Variants in KMT2B observed in about 807,000 individuals in gnomAD.
KMT2B encodes the protein histone-lysine N-methyltransferase 2B.
Under a neutral mutation model 255.3 loss-of-function variants are expected in KMT2B, and 22 were observed. The observed-to-expected ratio is 0.09, with a 90% CI of 0.06 to 0.12. The LOEUF is 0.12. Ranked by LOEUF, KMT2B falls within the 10% of genes least tolerant of loss-of-function variation. The probability of loss-of-function intolerance (pLI) is 1.00; values close to 1 mark genes in which losing one functional copy is unlikely to be tolerated. For synonymous variants in KMT2B, 1,730 were observed against 1,498.1 expected (o/e 1.15, Z -3.57); for missense variants, 3,149 against 3,737.0 (o/e 0.84, Z 4.10).
rs1288715942 is a variant in KMT2B, at chr19:35,725,664, G to A, written c.3789+39G>A. 3 of 1,612,800 alleles carry A rather than the reference G, an allele frequency of 1.9e-6. No homozygotes were observed. In the South Asian group the frequency reaches 3.3e-5, roughly 18 times the overall value. On this transcript the variant is annotated intron_variant, in intron 12 of 36. Coordinates refer to ENST00000420124, the MANE Select transcript of KMT2B (RefSeq NM_014727.3). The surrounding 1 kb of genome is among the most constrained non-coding windows in gnomAD (Gnocchi z 4.1). The stretch of plus-strand genomic sequence containing the variant: ...GGCTGGCCAGGGTGGGTGGAGGCCT[G>A]AAGGTGAGGGCATCCCTGTGCCAGC...
Position 35,722,873 on chromosome 19 carries a change from TG to T in KMT2B, c.2723-117del, listed in dbSNP as rs1969277228. ...TGCTAGGTCCTAGAGCAACTTCATTTGGGGGCACCAGGAACCTGGCGCTGTG... is the reference window on the plus strand; with the variant it reads ...TGCTAGGTCCTAGAGCAACTTCATTTGGGGCACCAGGAACCTGGCGCTGTG... On this transcript the variant is annotated intron_variant, in intron 5 of 36. Coordinates refer to ENST00000420124, the MANE Select transcript of KMT2B (RefSeq NM_014727.3). 88 of 1,417,650 alleles carry T rather than the reference TG, an allele frequency of 6.2e-5. 1 individual carries two copies. In the South Asian group the frequency reaches 1.2e-3, roughly 20 times the overall value. 87.8% of individuals were successfully genotyped at this position (1,417,650 alleles called of 1,614,324 possible). A position where few individuals can be genotyped will look rare whatever the true frequency, so the allele number is the denominator to read the frequency against.
At chr19:35,724,088 C>A in intron 8 of KMT2B, 81 bp downstream of exon 8, 1 of 1,349,880 alleles carries the variant, frequency 7.4e-7, no homozygotes, top group South Asian at 1.4e-5. Context: ...GGCACCCAGA[C>A]CCAGGGCTCT....
In KMT2B at chr19:35,733,923, G is replaced by A; in HGVS notation, c.7159+51G>A. ...TCCTTGCCTGTGCCTGGCTCAGCTG[G>A]GTGACTCACAGATGCAAAATCAGCC... is the stretch of plus-strand genomic sequence containing the variant. On this transcript the variant is annotated intron_variant, in intron 30 of 36. Coordinates refer to ENST00000420124, the MANE Select transcript of KMT2B (RefSeq NM_014727.3). The surrounding 1 kb of genome is among the most constrained non-coding windows in gnomAD (Gnocchi z 4.3). 1.5e-6 allele frequency: 2 copies of A among 1,361,418 alleles called. No individual in the cohort carries two copies. The highest frequency in any genetic ancestry group is 2.1e-6 in the Non-Finnish European group (2 of 963,824). The allele number at this position is 1,361,418 out of a possible 1,614,324, so 84.3% of individuals were successfully genotyped here.
Position 35,724,878 on chromosome 19 carries a change from G to GGGGTCTGGATCA in KMT2B, c.3430-102_3430-91dup, listed in dbSNP as rs57143153. The GGGGTCTGGATCA allele has an allele frequency of 0.12, 125,068 of 1,053,448 alleles. 10,031 individuals carry two copies. Among genetic ancestry groups the GGGGTCTGGATCA allele is most frequent in the South Asian group, 0.24 (16,805 of 70,536 alleles). The allele number at this position is 1,053,448 out of a possible 1,614,324, so 65.3% of individuals were successfully genotyped here. ...GGGCCTTGCCTGTCTGGAAAGCAAA[G>GGGGTCTGGATCA]GGGTCTGGATCAGGGTCTGGGTCCA... On this transcript the variant is annotated intron_variant, in intron 9 of 36. Transcript: ENST00000420124.
Position 35,719,841 on chromosome 19 carries a change from G to T in KMT2B, c.494G>T (p.Arg165Leu). Reference sequence around the variant, plus strand: ...AAGACGACCCCCCTTCCTCCTCCTCGCCTAGCAGATGTGGCTCCTACCCCC... The same window carrying T: ...AAGACGACCCCCCTTCCTCCTCCTCTCCTAGCAGATGTGGCTCCTACCCCC... Reference protein sequence around the residue: ...KHKTTPLPPPRLADVAPTPPK... With the variant: ...KHKTTPLPPPLLADVAPTPPK... Residue 165 changes from arginine to leucine, a missense_variant, in exon 3 of 37, where the codon CGC becomes CTC. Transcript: ENST00000420124. 1 of 1,612,266 alleles carries T rather than the reference G, an allele frequency of 6.2e-7. No homozygotes were observed. The highest frequency in any genetic ancestry group is 8.5e-7 in the Non-Finnish European group (1 of 1,179,436).
At chr19:35,731,567 C>T (rs1321374753) in intron 26 of KMT2B, among the ~76,000 whole-genome samples, 3 of 152,144 alleles carry the variant, frequency 2.0e-5, no homozygotes, top group East Asian at 3.9e-4. Context: ...CGGGCGGGAG[C>T]GTCTGATGTG....
chr19:35,722,930 G>C lies in KMT2B; in HGVS notation c.2723-65G>C, dbSNP rs984716879. On this transcript the variant is annotated intron_variant, in intron 5 of 36. Transcript: ENST00000420124. ...GCGAGAGCCAGGTTGTGGGAAAGCA[G>C]GGAAGTGAGGTAGAAGCCTGGTGGC... is the stretch of plus-strand genomic sequence containing the variant. 3.2e-5 allele frequency: 47 copies of C among 1,466,782 alleles called. 1 individual carries two copies. In the African/African-American group the frequency reaches 6.1e-4, roughly 19 times the overall value. 90.9% of individuals were successfully genotyped at this position (1,466,782 alleles called of 1,614,324 possible).
At position 35,738,785 on chromosome 19, in the gene KMT2B, G is replaced by GC; in HGVS notation, c.*228_*229insC. 3.5e-6 allele frequency: 2 copies of GC among 576,002 alleles called. No individual in the cohort carries two copies. Among genetic ancestry groups the GC allele is most frequent in the South Asian group, 2.4e-5 (1 of 41,754 alleles). The allele number at this position is 576,002 out of a possible 1,614,324, so 35.7% of individuals were successfully genotyped here. On this transcript the variant is annotated 3_prime_UTR_variant, in exon 37 of 37. Coordinates refer to ENST00000420124, the MANE Select transcript of KMT2B (RefSeq NM_014727.3). The surrounding 1 kb of genome is among the most constrained non-coding windows in gnomAD (Gnocchi z 8.7). ...CCCAGGATGTAGATATTGTACAAAGGTTTCTAAATCCCTTCTTTTCTATGC... is the reference window on the plus strand; with the variant it reads ...CCCAGGATGTAGATATTGTACAAAGGCTTTCTAAATCCCTTCTTTTCTATGC...
Position 35,720,252 on chromosome 19 carries a change from C to G in KMT2B, c.905C>G (p.Pro302Arg). ...GGCCGCGGCCGAGGTGGTGGGCTCC[C>G]CTTTGTGATCAAGTTTGTTTCAAGG... ...GRGRGRGGGLPFVIKFVSRAK... is the reference protein window; with the variant it reads ...GRGRGRGGGLRFVIKFVSRAK... Residue 302 changes from proline to arginine, a missense_variant, in exon 3 of 37, where the codon CCC becomes CGC. Pro to Arg is a moderately radical substitution (Grantham distance 103). This residue lies in a region of KMT2B where 1,188 missense variants were observed against 1,106.4 expected (regional missense o/e 1.07). Coordinates refer to ENST00000420124, the MANE Select transcript of KMT2B (RefSeq NM_014727.3). 1 of 1,612,740 alleles carries G rather than the reference C, an allele frequency of 6.2e-7. No individual in the cohort carries two copies. The highest frequency in any genetic ancestry group is 8.5e-7 in the Non-Finnish European group (1 of 1,179,586).
chr19:35,726,391 C>G (rs769550221), intron 14 of KMT2B, 38 bp downstream of exon 14: 5 of 1,382,394 alleles, frequency 3.6e-6, no homozygotes, highest in Non-Finnish European at 5.2e-6. Flanking sequence ...CTGGGGGCCA[C>G]AGGGGAATGG....
In KMT2B at chr19:35,737,521, TAAA is replaced by T; in HGVS notation, c.7551-112_7551-110del. On this transcript the variant is annotated intron_variant, in intron 33 of 36. Coordinates refer to ENST00000420124, the MANE Select transcript of KMT2B (RefSeq NM_014727.3). This position sits in a 1 kb window ranked among gnomAD's most constrained non-coding sequence, Gnocchi z 5.3. ...ACATGGCAAAACCCCATCTCTAAAATAAAAATTTAAAAAAGTTATTTCTAGAGC... is the reference window on the plus strand; with the variant it reads ...ACATGGCAAAACCCCATCTCTAAAATAATTTAAAAAAGTTATTTCTAGAGC... 4 of 818,178 alleles carry T rather than the reference TAAA, an allele frequency of 4.9e-6. No individual in the cohort carries two copies. The highest frequency in any genetic ancestry group is 7.6e-6 in the Non-Finnish European group (4 of 529,524). The allele number at this position is 818,178 out of a possible 1,614,324, so 50.7% of individuals were successfully genotyped here. A position where few individuals can be genotyped will look rare whatever the true frequency, so the allele number is the denominator to read the frequency against.
intron 21 of KMT2B, 23 bp downstream of exon 21, chr19:35,729,099 C>G (rs2146459482): frequency 6.2e-7 from 1 of 1,613,986 alleles, no homozygotes; most frequent in East Asian, 2.2e-5. Context: ...CTGTGACGCA[C>G]CAGGTTGTGG....
In KMT2B at chr19:35,733,749, G is replaced by C. The variant is rs1285748410; in HGVS notation, c.7050-14G>C. The C allele has an allele frequency of 1.9e-6, 3 of 1,611,940 alleles. No homozygotes were observed. Among genetic ancestry groups the C allele is most frequent in the Non-Finnish European group, 2.5e-6 (3 of 1,178,730 alleles). Reference sequence around the variant, plus strand: ...CCTCTGTCCTTCCCCTTCCTGACAGGTCTCTTCTCGCAGGCCCCTCCAGGA... The same window carrying C: ...CCTCTGTCCTTCCCCTTCCTGACAGCTCTCTTCTCGCAGGCCCCTCCAGGA... On this transcript the variant is annotated splice_polypyrimidine_tract_variant and intron_variant, in intron 29 of 36. Transcript: ENST00000420124. This position sits in a 1 kb window ranked among gnomAD's most constrained non-coding sequence, Gnocchi z 4.3.
chr19:35,738,591 C>A lies in KMT2B; in HGVS notation c.*34C>A. On this transcript the variant is annotated 3_prime_UTR_variant, in exon 37 of 37. Coordinates refer to ENST00000420124, the MANE Select transcript of KMT2B (RefSeq NM_014727.3). The surrounding 1 kb of genome is among the most constrained non-coding windows in gnomAD (Gnocchi z 8.7). ...CTGCCCACCACGACCCCTCACACCT[C>A]CTGCTGCCGTCGCTGCCATCTTGCC... 6.3e-7 allele frequency: 1 copy of A among 1,597,066 alleles called. No homozygotes were observed. Among genetic ancestry groups the A allele is most frequent in the Non-Finnish European group, 8.5e-7 (1 of 1,169,856 alleles).
At chr19:35,724,299 A>G (rs1036090140) in intron 8 of KMT2B, among the ~76,000 whole-genome samples, 4 of 152,118 alleles carry the variant, frequency 2.6e-5, no homozygotes, top group African/African-American at 9.7e-5. Flanking sequence ...CCAGGAGTTC[A>G]AGACCAGCCT....
intron 31 of KMT2B, 32 bp downstream of exon 31, chr19:35,736,859 G>C: frequency 6.2e-7 from 1 of 1,613,936 alleles, no homozygotes; most frequent in Non-Finnish European, 8.5e-7. Flanking sequence ...GCAGGAGGGA[G>C]AGTGTCCATA....
At chr19:35,719,663 C>T (rs1479733365) in intron 2 of KMT2B, 121 bp from the exon 3 acceptor site, 3 of 1,514,938 alleles carry the variant, frequency 2.0e-6, no homozygotes, top group South Asian at 1.2e-5. Context: ...GTTCAGAGTC[C>T]AAGCTAGTCT....
Position 35,719,862 on chromosome 19 carries a change from C to A in KMT2B, c.515C>A (p.Thr172Asn), listed in dbSNP as rs60207923. Residue 172 changes from threonine (T) to asparagine (N), a missense_variant, in exon 3 of 37, where the codon ACC becomes AAC. By Grantham distance (65) the Thr-to-Asn change is moderately conservative (BLOSUM62 0). Around this residue, in one of 18 missense-constraint regions of KMT2B, gnomAD observed 1,188 missense variants for 1,106.4 expected, o/e 1.07. Coordinates refer to ENST00000420124, the MANE Select transcript of KMT2B (RefSeq NM_014727.3). ...CCTCGCCTAGCAGATGTGGCTCCTA[C>A]CCCCCCAAAGACCCCTGCCCGGAAA... ...PPPRLADVAP[T>N]PPKTPARKRG... The A allele has an allele frequency of 6.2e-7, 1 of 1,612,928 alleles. No individual in the cohort carries two copies. Among genetic ancestry groups the A allele is most frequent in the Non-Finnish European group, 8.5e-7 (1 of 1,179,626 alleles).
Position 35,721,029 on chromosome 19 carries a change from C to T in KMT2B, c.1682C>T (p.Pro561Leu). 2 of 1,609,682 alleles carry T rather than the reference C, an allele frequency of 1.2e-6. No individual in the cohort carries two copies. The highest frequency in any genetic ancestry group is 2.2e-5 in the East Asian group (1 of 44,576). The change falls in exon 3 of 37, where the codon CCT becomes CTT. Residue 561 changes from proline to leucine, a missense_variant. Coordinates refer to ENST00000420124, the MANE Select transcript of KMT2B (RefSeq NM_014727.3). Reference protein sequence around the residue: ...PPKPPKVEVSPVLRPPITTSP... With the variant: ...PPKPPKVEVSLVLRPPITTSP... ...AAACCCCCAAAGGTGGAGGTCTCAC[C>T]TGTCCTGCGACCTCCCATTACCACC...
Sources: allele counts gnomAD v4.1 joint callset (sites outside exome capture counted in the v4.1 genomes callset), GRCh38; gene constraint gnomAD v4.1.1; regional missense constraint gnomAD v4.1.1; non-coding constraint Gnocchi (gnomAD v3.1); transcripts MANE v1.5; gene names NCBI Gene and HGNC (gene_info 2026-07-23, HGNC 2026-07-21).